Variants in LMLN observed in about 807,000 individuals in gnomAD.
LMLN encodes the protein leishmanolysin like peptidase.
Under a neutral mutation model 92.3 loss-of-function variants are expected in LMLN, and 70 were observed. The observed-to-expected ratio is 0.76, with a 90% CI of 0.63 to 0.92. The LOEUF (loss-of-function observed/expected upper bound fraction) is 0.92, where lower values mean the gene tolerates loss of function less well. LMLN is among the 40% of genes least tolerant of loss of function. The pLI, the probability that LMLN is intolerant of heterozygous loss-of-function variation, is 0.00. For synonymous variants in LMLN, 308 were observed against 296.2 expected (o/e 1.04, Z -0.41); for missense variants, 691 against 814.6 (o/e 0.85, Z 1.85).
intron 1 of LMLN, among the ~76,000 whole-genome samples, chr3:197,963,335 C>T (rs1720960802): frequency 6.6e-6 from 1 of 151,876 alleles, no homozygotes; most frequent in South Asian, 2.1e-4. Flanking sequence ...TCCCAAGTAG[C>T]TGGGACTCCC....
At chr3:197,992,004 G>C (rs9845817) in intron 9 of LMLN, among the ~76,000 whole-genome samples, 30,948 of 150,282 alleles carry the variant, frequency 0.21, 5,149 homozygotes, top group African/African-American at 0.46. Context: ...TGGAATTACA[G>C]GCTCCCACCA....
At chr3:198,033,112 A>G (rs1723120667) in intron 14 of LMLN, among the ~76,000 whole-genome samples, 1 of 152,188 alleles carries the variant, frequency 6.6e-6, no homozygotes, top group Non-Finnish European at 1.5e-5. Context: ...CCAGAATTCC[A>G]CAATGAGAAT....
chr3:198,017,475 C>T lies in LMLN; in HGVS notation c.1233-1778C>T, dbSNP rs114740462. Among the ~76,000 whole-genome samples the T allele has an allele frequency of 1.6e-3, 246 of 152,252 alleles. 1 individual carries two copies. The highest frequency in any genetic ancestry group is 5.8e-3 in the African/African-American group (239 of 41,534). ...CTTAAAGTAAGGTTCTTTCTATGTT[C>T]GAAGCAACTAAAACTGATAAATCGC... On this transcript the variant is annotated intron_variant, in intron 11 of 15. Transcript: ENST00000330198.
At chr3:198,036,871 T>C (rs1161083861) in intron 15 of LMLN, among the ~76,000 whole-genome samples, 2 of 152,238 alleles carry the variant, frequency 1.3e-5, no homozygotes, top group East Asian at 3.8e-4. Context: ...TGTTTCATTT[T>C]CTCAACTAGA....
At chr3:197,966,403 T>C (rs1721062263) in intron 1 of LMLN, among the ~76,000 whole-genome samples, 1 of 152,212 alleles carries the variant, frequency 6.6e-6, no homozygotes, top group Admixed American at 6.5e-5. Context: ...ATAAGAGTGG[T>C]GAGAGTAGAC....
At chr3:197,977,782 A>C (rs1348955747) in intron 5 of LMLN, among the ~76,000 whole-genome samples, 1 of 152,092 alleles carries the variant, frequency 6.6e-6, no homozygotes, top group Non-Finnish European at 1.5e-5. Flanking sequence ...CTGGAAGTAT[A>C]CACACGTTAA....
Position 197,998,716 on chromosome 3 carries a change from G to A in LMLN, c.1156-550G>A, listed in dbSNP as rs551041537. ...TCATCATTAGGTGACCTCCTGATAG[G>A]AATTGTATGGTGTGAATTAAAATAT... is the stretch of plus-strand genomic sequence containing the variant. On this transcript the variant is annotated intron_variant, in intron 10 of 15. Coordinates refer to ENST00000330198, the Ensembl canonical transcript of LMLN. Among the ~76,000 whole-genome samples, 11 of 152,298 alleles carry A rather than the reference G, an allele frequency of 7.2e-5. No individual in the cohort carries two copies. The East Asian group carries it at 1.9e-3, about 27-fold the overall frequency.
chr3:197,975,539 A>G (rs1274025001), intron 3 of LMLN, among the ~76,000 whole-genome samples: 3 of 152,116 alleles, frequency 2.0e-5, no homozygotes, highest in African/African-American at 4.8e-5. Flanking sequence ...GCACGCACAC[A>G]TGCACACACA....
At chr3:198,037,024 C>T (rs1385186873) in intron 15 of LMLN, among the ~76,000 whole-genome samples, 2 of 152,134 alleles carry the variant, frequency 1.3e-5, no homozygotes, top group African/African-American at 4.8e-5. Flanking sequence ...TCCTGAGGAC[C>T]TCATCCCCTA....
intron 11 of LMLN, among the ~76,000 whole-genome samples, chr3:198,017,483 C>CTAA (rs1161225052): frequency 6.6e-6 from 1 of 152,196 alleles, no homozygotes; most frequent in African/African-American, 2.4e-5. Context: ...TTCGAAGCAA[C>CTAA]TAAAACTGAT....
At chr3:197,990,122 G>T (rs1200305650) in intron 8 of LMLN, among the ~76,000 whole-genome samples, 1 of 152,036 alleles carries the variant, frequency 6.6e-6, no homozygotes, top group Admixed American at 6.5e-5. Context: ...GAGTGCAGTG[G>T]CACGAACATG....
At chr3:197,985,874 C>T in exon 8 of LMLN, 1 of 1,607,572 alleles carries the variant, frequency 6.2e-7, no homozygotes, top group Non-Finnish European at 8.5e-7. Context: ...AGATGGCCTC[C>T]CACCTTTTAA....
chr3:198,035,522 C>A (rs1037588812), intron 14 of LMLN, among the ~76,000 whole-genome samples: 2 of 151,786 alleles, frequency 1.3e-5, no homozygotes, highest in Non-Finnish European at 2.9e-5. Context: ...GACACCACGC[C>A]CAGCTAGTTT....
intron 11 of LMLN, among the ~76,000 whole-genome samples, chr3:198,015,167 C>T (rs1722592925): frequency 7.0e-6 from 1 of 143,110 alleles, no homozygotes; most frequent in Non-Finnish European, 1.5e-5. Flanking sequence ...CTTCTCTCCA[C>T]CCTTCAGAGC....
intron 11 of LMLN, among the ~76,000 whole-genome samples, chr3:198,011,729 C>T (rs1332794521): frequency 6.6e-6 from 1 of 151,778 alleles, no homozygotes; most frequent in Admixed American, 6.6e-5. Flanking sequence ...AACTAGTTTA[C>T]AGTCCCACCA....
intron 11 of LMLN, among the ~76,000 whole-genome samples, chr3:198,009,391 CTT>C (rs1722374849): frequency 6.6e-6 from 1 of 152,132 alleles, no homozygotes; most frequent in Admixed American, 6.6e-5. Context: ...TAATTCCTCT[CTT>C]TATCTCTGAT....
At position 198,024,806 on chromosome 3, in the gene LMLN, A is replaced by T. The variant is rs747525043; in HGVS notation, c.1656+18A>T. 16 of 1,582,560 alleles carry T rather than the reference A, an allele frequency of 1.0e-5. 1 individual carries two copies. The South Asian group carries it at 1.9e-4, about 19-fold the overall frequency. ...GCTATCAGGTAAGCTTATGTTTGTTATTAGTTGTGCCAAATATTATGTGAT... is the reference window on the plus strand; with the variant it reads ...GCTATCAGGTAAGCTTATGTTTGTTTTTAGTTGTGCCAAATATTATGTGAT... On this transcript the variant is annotated intron_variant, in intron 14 of 15. Transcript: ENST00000330198.
intron 6 of LMLN, among the ~76,000 whole-genome samples, chr3:197,982,578 G>T (rs1721591024): frequency 6.6e-6 from 1 of 152,216 alleles, no homozygotes; most frequent in African/African-American, 2.4e-5. Context: ...TTGCTATATT[G>T]CATTAATTCA....
At chr3:198,017,652 C>T (rs1450297880) in intron 11 of LMLN, among the ~76,000 whole-genome samples, 2 of 152,062 alleles carry the variant, frequency 1.3e-5, no homozygotes, top group African/African-American at 2.4e-5. Flanking sequence ...GGCATGGTGG[C>T]CCATGACCGT....
Sources: gnomAD v4.1 joint callset for allele counts (sites outside exome capture counted in the v4.1 genomes callset) on GRCh38, gnomAD v4.1.1 for gene constraint, MANE v1.5 for transcripts, NCBI Gene and HGNC (gene_info 2026-07-23, HGNC 2026-07-21) for gene names.